The following SPATA17 variants were observed in gnomAD, a reference collection of about 807,000 sequenced individuals.
SPATA17 encodes spermatogenesis-associated protein 17.
Under a neutral mutation model 62.2 loss-of-function variants are expected in SPATA17, and 53 were observed. The observed-to-expected ratio is 0.85, with a 90% CI of 0.68 to 1.07. The LOEUF (loss-of-function observed/expected upper bound fraction) is 1.07, where lower values mean the gene tolerates loss of function less well. Among genes scored for constraint, SPATA17 ranks in the 50% least tolerant of loss-of-function variants. The pLI is 0.00. For missense variants in SPATA17, 466 were observed against 425.5 expected (o/e 1.10, Z -0.84); for synonymous variants, 146 against 146.8 (o/e 0.99, Z 0.04).
intron 6 of SPATA17, among the ~76,000 whole-genome samples, chr1:217,773,033 G>T (rs1673492050): frequency 6.6e-6 from 1 of 152,110 alleles, no homozygotes; most frequent in African/African-American, 2.4e-5. Flanking sequence ...ATTTGGGATA[G>T]GATGTTGCAT....
At chr1:217,842,921 A>G (rs1455902083) in intron 9 of SPATA17, among the ~76,000 whole-genome samples, 1 of 151,844 alleles carries the variant, frequency 6.6e-6, no homozygotes, top group Non-Finnish European at 1.5e-5. Flanking sequence ...AGTGACATCC[A>G]CAAGTTTTCA....
At chr1:217,820,175 G>C (rs771574656) in intron 9 of SPATA17, among the ~76,000 whole-genome samples, 1 of 152,004 alleles carries the variant, frequency 6.6e-6, no homozygotes, top group Non-Finnish European at 1.5e-5. Context: ...TGGAGATCTG[G>C]CCGGATATAG....
chr1:217,838,962 C>G (rs946413234), intron 9 of SPATA17, among the ~76,000 whole-genome samples: 1 of 151,962 alleles, frequency 6.6e-6, no homozygotes, highest in Non-Finnish European at 1.5e-5. Flanking sequence ...GTACATTAAC[C>G]AAGCCTCTCA....
chr1:217,639,923 G>A (rs1670021299), intron 1 of SPATA17, among the ~76,000 whole-genome samples: 1 of 151,886 alleles, frequency 6.6e-6, no homozygotes, highest in Non-Finnish European at 1.5e-5. Flanking sequence ...TCAGGTTTTT[G>A]CCGTGGCCAT....
intron 9 of SPATA17, among the ~76,000 whole-genome samples, chr1:217,802,667 C>T (rs984555719): frequency 1.3e-5 from 2 of 152,086 alleles, no homozygotes; most frequent in African/African-American, 4.8e-5. Flanking sequence ...CTTATTTAAC[C>T]TCAATCACCT....
At chr1:217,769,578 A>G (rs1017485517) in intron 6 of SPATA17, among the ~76,000 whole-genome samples, 153 of 152,318 alleles carry the variant, frequency 1.0e-3, no homozygotes, top group Non-Finnish European at 1.7e-3. Context: ...TACTTTTTCA[A>G]CTTTCTGGGA....
At chr1:217,663,198 A>G (rs1670608977) in intron 3 of SPATA17, among the ~76,000 whole-genome samples, 1 of 152,160 alleles carries the variant, frequency 6.6e-6, no homozygotes, top group South Asian at 2.1e-4. Context: ...TAATCCCAGC[A>G]GTTTGGGAGG....
intron 5 of SPATA17, among the ~76,000 whole-genome samples, chr1:217,732,477 A>G (rs6703319): frequency 0.2 from 31,163 of 152,132 alleles, 3,353 homozygotes; most frequent in Middle Eastern, 0.26. Context: ...AAACAAGATC[A>G]TGAAACTCTT....
At chr1:217,758,691 C>G (rs1673104624) in intron 6 of SPATA17, among the ~76,000 whole-genome samples, 1 of 151,980 alleles carries the variant, frequency 6.6e-6, no homozygotes. Flanking sequence ...TTAACATAAT[C>G]AACAATGGAA....
intron 1 of SPATA17, among the ~76,000 whole-genome samples, chr1:217,647,594 G>T (rs1227835292): frequency 6.6e-6 from 1 of 152,148 alleles, no homozygotes; most frequent in Non-Finnish European, 1.5e-5. Context: ...AGTGTAACAT[G>T]GAAAGGCCTA....
At chr1:217,809,612 C>T (rs749475286) in intron 9 of SPATA17, among the ~76,000 whole-genome samples, 24 of 152,082 alleles carry the variant, frequency 1.6e-4, no homozygotes, top group Non-Finnish European at 2.8e-4. Context: ...ATGAATCCAT[C>T]CTCATAAGAA....
At chr1:217,749,979 C>CTATATATATATATATA (rs1421804013) in intron 6 of SPATA17, among the ~76,000 whole-genome samples, 9 of 30,904 alleles carry the variant, frequency 2.9e-4, no homozygotes, top group South Asian at 9.2e-4. Context: ...CTCTCTCTCT[C>CTATATATATATATATA]TCTCTCTATA....
At chr1:217,814,404 T>G (rs1045828550) in intron 9 of SPATA17, among the ~76,000 whole-genome samples, 1 of 152,190 alleles carries the variant, frequency 6.6e-6, no homozygotes, top group African/African-American at 2.4e-5. Flanking sequence ...GGTAAGATGT[T>G]TGCCCTAGAT....
chr1:217,850,483 C>G, intron 9 of SPATA17: 1 of 1,486,664 alleles, frequency 6.7e-7, no homozygotes, highest in Non-Finnish European at 9.4e-7. Context: ...ACAGCCTCTT[C>G]TAGCTGCATG....
chr1:217,677,579 G>A (rs1282096689), intron 4 of SPATA17, among the ~76,000 whole-genome samples: 1 of 151,910 alleles, frequency 6.6e-6, no homozygotes, highest in Non-Finnish European at 1.5e-5. Context: ...ATACAAAAAA[G>A]GGTATCCCAA....
chr1:217,697,268 G>A (rs561697963), intron 5 of SPATA17, among the ~76,000 whole-genome samples: 43 of 152,222 alleles, frequency 2.8e-4, no homozygotes, highest in Non-Finnish European at 5.1e-4. Flanking sequence ...GGCGTGAGTC[G>A]CCGAGACTGG....
At chr1:217,818,381 T>C (rs1331956706) in intron 9 of SPATA17, among the ~76,000 whole-genome samples, 1 of 152,090 alleles carries the variant, frequency 6.6e-6, no homozygotes, top group Non-Finnish European at 1.5e-5. Flanking sequence ...AATTTAGTTG[T>C]GTGAACATCA....
intron 5 of SPATA17, among the ~76,000 whole-genome samples, chr1:217,690,478 T>TTA (rs1311971350): frequency 2.4e-5 from 2 of 82,758 alleles, no homozygotes; most frequent in African/African-American, 5.0e-5. Context: ...TTTTTATTTT[T>TTA]TTTTTTTTTA....
chr1:217,745,793 G>GAA (rs1672733016), intron 6 of SPATA17, among the ~76,000 whole-genome samples: 1 of 151,938 alleles, frequency 6.6e-6, no homozygotes, highest in South Asian at 2.1e-4. Flanking sequence ...TTTGTAGATG[G>GAA]AAATTGTCAA....
Sources: allele counts gnomAD v4.1 joint callset (sites outside exome capture counted in the v4.1 genomes callset), GRCh38; gene constraint gnomAD v4.1.1; transcripts MANE v1.5; gene names NCBI Gene and HGNC (gene_info 2026-07-23, HGNC 2026-07-21).